The following RAPGEF4 variants were observed in gnomAD, a reference collection of about 807,000 sequenced individuals.
The protein encoded by RAPGEF4 is Rap guanine nucleotide exchange factor 4.
In RAPGEF4, 66 loss-of-function variants were observed where a neutral mutation model predicts 147.9. That is an observed-to-expected ratio of 0.45 (90% CI 0.37 to 0.55). The LOEUF is 0.55. RAPGEF4 is among the 20% of genes least tolerant of loss of function. The pLI is 0.00. For synonymous variants in RAPGEF4, 419 were observed against 442.7 expected (o/e 0.95, Z 0.67); for missense variants, 1,071 against 1,257.3 (o/e 0.85, Z 2.24).
At chr2:172,752,003 T>C (rs754831943) in intron 1 of RAPGEF4, among the ~76,000 whole-genome samples, 2 of 152,282 alleles carry the variant, frequency 1.3e-5, no homozygotes, top group East Asian at 3.8e-4. Context: ...TTTTTTCTGA[T>C]AATAATTTTC....
chr2:172,892,083 GC>G (rs1491382226), intron 4 of RAPGEF4, among the ~76,000 whole-genome samples: 1 of 152,124 alleles, frequency 6.6e-6, no homozygotes. Flanking sequence ...TCAGCCCTTT[GC>G]CCTGTGAATG....
chr2:172,831,285 T>TTTTTTTTTTTTTTTA (rs1690303455), intron 4 of RAPGEF4, among the ~76,000 whole-genome samples: 6 of 142,308 alleles, frequency 4.2e-5, no homozygotes, highest in Admixed American at 7.3e-5. Flanking sequence ...TTTTTTTTTT[T>TTTTTTTTTTTTTTTA]GAGACAGAGT....
At chr2:172,996,426 C>A in intron 15 of RAPGEF4, 40 bp from the exon 16 acceptor site, 1 of 1,249,988 alleles carries the variant, frequency 8.0e-7, no homozygotes, top group Non-Finnish European at 1.1e-6. Flanking sequence ...ATGATTTGCC[C>A]ACTTTTGAAA....
chr2:172,980,112 A>G (rs191088629), intron 10 of RAPGEF4, among the ~76,000 whole-genome samples: 5 of 152,314 alleles, frequency 3.3e-5, no homozygotes, highest in Admixed American at 2.6e-4. Context: ...CAGGCATGAA[A>G]AAGCTTAGTG....
chr2:173,013,063 G>A (rs576096403), intron 17 of RAPGEF4, among the ~76,000 whole-genome samples: 5 of 152,276 alleles, frequency 3.3e-5, no homozygotes, highest in African/African-American at 7.2e-5. Flanking sequence ...TATGAATCTC[G>A]TGCTCAATTT....
At chr2:172,997,958 A>G (rs1166614659) in intron 16 of RAPGEF4, among the ~76,000 whole-genome samples, 2 of 152,236 alleles carry the variant, frequency 1.3e-5, no homozygotes, top group African/African-American at 4.8e-5. Flanking sequence ...ATTAGGGTAT[A>G]GTAGATATAA....
chr2:172,846,935 G>T (rs1241379619), intron 4 of RAPGEF4, among the ~76,000 whole-genome samples: 1 of 152,170 alleles, frequency 6.6e-6, no homozygotes, highest in African/African-American at 2.4e-5. Flanking sequence ...TTGCCTGTTT[G>T]CATGTCTCTC....
Position 172,949,934 on chromosome 2 carries a change from C to A in RAPGEF4, c.538-10826C>A, listed in dbSNP as rs1010040729. On this transcript the variant is annotated intron_variant, in intron 6 of 30. Coordinates refer to ENST00000397081, the MANE Select transcript of RAPGEF4 (RefSeq NM_007023.4). ...TATGCCCAATGGGCTTGAGAAAATA[C>A]TTCCAAAGTTTTGAGAAATGGAAAC... 2.6e-5 allele frequency among the ~76,000 whole-genome samples: 4 copies of A among 152,316 alleles called. No individual in the cohort carries two copies. The South Asian group carries it at 8.3e-4, about 32-fold the overall frequency.
At chr2:172,962,421 AG>A (rs1689390344) in intron 8 of RAPGEF4, among the ~76,000 whole-genome samples, 1 of 152,158 alleles carries the variant, frequency 6.6e-6, no homozygotes, top group African/African-American at 2.4e-5. Flanking sequence ...GAATCTACAA[AG>A]GTTCTGGTTC....
intron 6 of RAPGEF4, among the ~76,000 whole-genome samples, chr2:172,937,551 G>T (rs990285935): frequency 6.6e-6 from 1 of 152,148 alleles, no homozygotes; most frequent in African/African-American, 2.4e-5. Flanking sequence ...ACTTATCACT[G>T]TTGATGTTGA....
intron 6 of RAPGEF4, among the ~76,000 whole-genome samples, chr2:172,937,660 G>A (rs1686731466): frequency 1.3e-5 from 2 of 152,264 alleles, no homozygotes; most frequent in Non-Finnish European, 2.9e-5. Context: ...CTCTTTGGAA[G>A]GAAGTCATCG....
In RAPGEF4 at chr2:172,978,640, T is replaced by C. The variant is rs367985346; in HGVS notation, c.1005-4856T>C. On this transcript the variant is annotated intron_variant, in intron 10 of 30. Coordinates refer to ENST00000397081, the MANE Select transcript of RAPGEF4 (RefSeq NM_007023.4). ...CCTCTAACACCGCCCTCTCCTGCCC[T>C]CTGGGCTGATTGACGCAGAGCTGTC... Among the ~76,000 whole-genome samples the C allele has an allele frequency of 6.6e-5, 10 of 152,342 alleles. 1 individual carries two copies. The South Asian group carries it at 2.1e-3, about 32-fold the overall frequency.
At chr2:172,784,375 G>A (rs756376228) in intron 1 of RAPGEF4, among the ~76,000 whole-genome samples, 9 of 152,002 alleles carry the variant, frequency 5.9e-5, no homozygotes, top group Admixed American at 3.3e-4. Context: ...AAAATTAGCC[G>A]GGCATGGTGG....
chr2:172,851,319 G>GT (rs1692796808), intron 4 of RAPGEF4, among the ~76,000 whole-genome samples: 1 of 152,020 alleles, frequency 6.6e-6, no homozygotes, highest in South Asian at 2.1e-4. Flanking sequence ...GGTATGATTT[G>GT]TTTTTTTGAG....
chr2:172,920,924 C>G (rs1013092618), intron 5 of RAPGEF4, among the ~76,000 whole-genome samples: 2 of 152,000 alleles, frequency 1.3e-5, no homozygotes, highest in Admixed American at 6.6e-5. Context: ...TGTTAATACT[C>G]TCTGTTTCAG....
intron 1 of RAPGEF4, among the ~76,000 whole-genome samples, chr2:172,792,530 T>C (rs1685925993): frequency 6.6e-6 from 1 of 152,092 alleles, no homozygotes; most frequent in South Asian, 2.1e-4. Context: ...TCCAAACCCT[T>C]CTAGTAGGGG....
At chr2:172,928,131 C>T (rs1685559162) in intron 6 of RAPGEF4, 2 of 446,528 alleles carry the variant, frequency 4.5e-6, no homozygotes, top group African/African-American at 2.0e-5. Context: ...ACTTATTTTG[C>T]CCCACCTTCT....
intron 4 of RAPGEF4, among the ~76,000 whole-genome samples, chr2:172,879,829 T>C (rs751239040): frequency 2.6e-5 from 4 of 152,110 alleles, no homozygotes; most frequent in Non-Finnish European, 4.4e-5. Flanking sequence ...GTATAATTTG[T>C]TAAGCGTATA....
chr2:172,976,238 G>T (rs1691049901), intron 10 of RAPGEF4, among the ~76,000 whole-genome samples: 1 of 152,176 alleles, frequency 6.6e-6, no homozygotes, highest in Non-Finnish European at 1.5e-5. Context: ...GAGCTGAGCA[G>T]TCGGAGCTGG....
Sources: gnomAD v4.1 joint callset for allele counts (sites outside exome capture counted in the v4.1 genomes callset) on GRCh38, gnomAD v4.1.1 for gene constraint, MANE v1.5 for transcripts, NCBI Gene and HGNC (gene_info 2026-07-23, HGNC 2026-07-21) for gene names.